Variants in ZZZ3 observed in about 807,000 individuals in gnomAD.
ZZZ3 encodes ZZ-type zinc finger-containing protein 3.
Under a neutral mutation model 95.2 loss-of-function variants are expected in ZZZ3, and 22 were observed. The ratio of observed to expected loss-of-function variants is 0.23; its 90% CI spans 0.17 to 0.33. ZZZ3 has a LOEUF of 0.33. Among genes scored for constraint, ZZZ3 ranks in the 10% least tolerant of loss-of-function variants. The pLI is 1.00. For synonymous variants in ZZZ3, 335 were observed against 358.9 expected (o/e 0.93, Z 0.75); for missense variants, 885 against 1,066.5 (o/e 0.83, Z 2.37).
At chr1:77,603,695 A>G (rs1049293893) in intron 5 of ZZZ3, among the ~76,000 whole-genome samples, 2 of 152,196 alleles carry the variant, frequency 1.3e-5, no homozygotes, top group African/African-American at 4.8e-5. Flanking sequence ...AGGACAAGGC[A>G]AAATTTTTTT....
intron 3 of ZZZ3, among the ~76,000 whole-genome samples, chr1:77,640,206 A>G (rs1021671900): frequency 6.6e-6 from 1 of 152,194 alleles, no homozygotes; most frequent in Admixed American, 6.5e-5. Context: ...CGGTTTTAGT[A>G]CCCAATTAGC....
At chr1:77,637,758 C>T (rs1044911195) in intron 4 of ZZZ3, among the ~76,000 whole-genome samples, 3 of 152,164 alleles carry the variant, frequency 2.0e-5, no homozygotes, top group Admixed American at 1.3e-4. Context: ...CAGTTGTTTT[C>T]CTCATTTTAG....
At chr1:77,591,299 TTCTTTC>T (rs1431025273) in intron 5 of ZZZ3, among the ~76,000 whole-genome samples, 1 of 152,074 alleles carries the variant, frequency 6.6e-6, no homozygotes, top group Non-Finnish European at 1.5e-5. Context: ...ATCTCCCACT[TTCTTTC>T]TCTTTCTTTT....
intron 5 of ZZZ3, among the ~76,000 whole-genome samples, chr1:77,590,749 G>A (rs908108341): frequency 1.1e-4 from 17 of 152,168 alleles, no homozygotes; most frequent in African/African-American, 4.1e-4. Context: ...TTAAATTGCT[G>A]GAGTATAATA....
rs140760404 is a variant in ZZZ3, at chr1:77,621,159, T to C, written c.1505+10691A>G. Among the ~76,000 whole-genome samples the C allele has an allele frequency of 5.3e-5, 8 of 152,210 alleles. No homozygotes were observed. The East Asian group carries it at 1.5e-3, about 29-fold the overall frequency. ...TCTAGATCTAAATAATATAAGCATCTTGAAAATAAAAACATTATCTAGTTA... is the reference window on the plus strand; with the variant it reads ...TCTAGATCTAAATAATATAAGCATCCTGAAAATAAAAACATTATCTAGTTA... On this transcript the variant is annotated intron_variant, in intron 5 of 14. Transcript: ENST00000370801.
intron 5 of ZZZ3, among the ~76,000 whole-genome samples, chr1:77,601,751 C>T (rs1474101097): frequency 1.3e-5 from 2 of 152,034 alleles, no homozygotes; most frequent in African/African-American, 4.8e-5. Context: ...TATGCTAAGC[C>T]CTTTACAACC....
intron 1 of ZZZ3, among the ~76,000 whole-genome samples, chr1:77,657,919 C>T (rs1191698694): frequency 7.6e-6 from 1 of 131,730 alleles, no homozygotes; most frequent in African/African-American, 2.9e-5. Context: ...TGGCTCATGC[C>T]TGTAATCCCA....
At chr1:77,581,134 A>G in intron 8 of ZZZ3, 65 bp from the exon 9 acceptor site, 1 of 1,217,878 alleles carries the variant, frequency 8.2e-7, no homozygotes, top group South Asian at 1.3e-5. Context: ...ATATAGCCAA[A>G]TAACACGCAA....
At chr1:77,679,715 C>A (rs1463412664) in intron 1 of ZZZ3, among the ~76,000 whole-genome samples, 2 of 152,156 alleles carry the variant, frequency 1.3e-5, no homozygotes, top group Admixed American at 6.5e-5. Context: ...CACTGAAGTT[C>A]ATTAGCTCTC....
intron 5 of ZZZ3, among the ~76,000 whole-genome samples, chr1:77,588,267 CCAA>C (rs1294627512): frequency 2.6e-5 from 4 of 151,992 alleles, no homozygotes; most frequent in Non-Finnish European, 5.9e-5. Flanking sequence ...GAGCCCAGTA[CCAA>C]CATTCTTAAT....
chr1:77,646,246 G>T (rs368168419), intron 1 of ZZZ3, among the ~76,000 whole-genome samples: 6 of 151,796 alleles, frequency 4.0e-5, no homozygotes, highest in African/African-American at 1.2e-4. Context: ...TTGAGACAGG[G>T]TCTCACTCTG....
At chr1:77,653,917 G>A (rs573134545) in intron 1 of ZZZ3, among the ~76,000 whole-genome samples, 6 of 152,102 alleles carry the variant, frequency 3.9e-5, no homozygotes, top group South Asian at 2.1e-4. Flanking sequence ...GGCCAGGCAC[G>A]GTGGCTCACG....
intron 5 of ZZZ3, among the ~76,000 whole-genome samples, chr1:77,619,894 A>G (rs1666679865): frequency 6.6e-6 from 1 of 152,202 alleles, no homozygotes; most frequent in African/African-American, 2.4e-5. Flanking sequence ...TGGTATTTAA[A>G]TTTTTCTACT....
chr1:77,608,783 GTTTA>G (rs1228291744), intron 5 of ZZZ3, among the ~76,000 whole-genome samples: 3 of 152,074 alleles, frequency 2.0e-5, no homozygotes, highest in Non-Finnish European at 4.4e-5. Flanking sequence ...TCTTGTTTTT[GTTTA>G]TTTGTTTATG....
rs919532110 is a variant in ZZZ3, at chr1:77,673,862, C to T, written c.-403+8723G>A. On this transcript the variant is annotated intron_variant, in intron 1 of 14. Coordinates refer to ENST00000370801, the MANE Select transcript of ZZZ3 (RefSeq NM_015534.6). ...ACATGCTTTGAAATAACTGAAGATA[C>T]TACATGGTATCATAAAAATTAGAAT... is the stretch of plus-strand genomic sequence containing the variant. Among the ~76,000 whole-genome samples the T allele has an allele frequency of 4.6e-5, 7 of 151,950 alleles. No individual in the cohort carries two copies. In the East Asian group the frequency reaches 5.8e-4, roughly 13 times the overall value.
intron 7 of ZZZ3, 36 bp downstream of exon 7, chr1:77,581,943 T>C: frequency 1.2e-6 from 2 of 1,602,448 alleles, no homozygotes; most frequent in Non-Finnish European, 1.7e-6. Flanking sequence ...TTGCCAGATA[T>C]TTTTCTACTT....
intron 1 of ZZZ3, among the ~76,000 whole-genome samples, chr1:77,673,875 T>C (rs1009107437): frequency 2.6e-5 from 4 of 152,066 alleles, no homozygotes; most frequent in African/African-American, 9.7e-5. Flanking sequence ...CATGGTATCA[T>C]AAAAATTAGA....
intron 5 of ZZZ3, among the ~76,000 whole-genome samples, chr1:77,588,258 A>G (rs1663306709): frequency 6.6e-6 from 1 of 152,212 alleles, no homozygotes; most frequent in African/African-American, 2.4e-5. Context: ...TAAATTTATG[A>G]GCCCAGTACC....
chr1:77,679,673 T>C (rs1672574445), intron 1 of ZZZ3, among the ~76,000 whole-genome samples: 1 of 152,212 alleles, frequency 6.6e-6, no homozygotes, highest in South Asian at 2.1e-4. Flanking sequence ...ATCAGTATTA[T>C]TATATTATCA....
Sources: allele counts gnomAD v4.1 joint callset (sites outside exome capture counted in the v4.1 genomes callset), GRCh38; gene constraint gnomAD v4.1.1; transcripts MANE v1.5; gene names NCBI Gene and HGNC (gene_info 2026-07-23, HGNC 2026-07-21).